MRPS14: variants seen among roughly 807,000 people sequenced by gnomAD.
MRPS14 encodes mitochondrial ribosomal protein S14, also known as small ribosomal subunit protein uS14m.
A neutral mutation model predicts 16.4 loss-of-function variants in MRPS14; 14 were observed. The ratio of observed to expected loss-of-function variants is 0.85; its 90% confidence interval spans 0.56 to 1.33. The LOEUF is 1.33. MRPS14 is among the 40% of genes most tolerant of loss of function. MRPS14 has a pLI of 0.00. For synonymous variants in MRPS14, 54 were observed against 61.9 expected, an observed-to-expected ratio of 0.87 and a Z score of 0.60; for missense variants, 162 against 176.8, an observed-to-expected ratio of 0.92 and a Z score of 0.48.
At position 175,023,398 on chromosome 1, in the gene MRPS14, A is replaced by G; in HGVS notation, c.11T>C (p.Phe4Ser). The change falls in exon 1 of 3, where the codon TTC becomes TCC. Residue 4 changes from phenylalanine (F) to serine (S), a missense_variant. Phe to Ser is a radical substitution (Grantham distance 155). Transcript: ENST00000476371. Reference sequence around the variant, plus strand: ...CGTCCGCAGCAGCGAGCCCAGCATGAAGGCCGCCATGTTGTCCGCTACAAA... The same window carrying G: ...CGTCCGCAGCAGCGAGCCCAGCATGGAGGCCGCCATGTTGTCCGCTACAAA... MAA[F>S]MLGSLLRTFK... The G allele has an allele frequency of 6.2e-7, 1 of 1,614,182 alleles. No homozygotes were observed. The highest frequency in any genetic ancestry group is 8.5e-7 in the Non-Finnish European group (1 of 1,180,020).
intron 1 of MRPS14, among the ~76,000 whole-genome samples, chr1:175,022,177 T>A (rs1164870927): frequency 6.6e-6 from 1 of 152,000 alleles, no homozygotes; most frequent in African/African-American, 2.4e-5. Context: ...GAAAATCTAG[T>A]ATGAAAAAAA....
rs201569223 is a variant in MRPS14, at chr1:175,014,664, C to T, written c.*5G>A. The T allele has an allele frequency of 1.2e-6, 2 of 1,602,194 alleles. No individual in the cohort carries two copies. Among genetic ancestry groups the T allele is most frequent in the African/African-American group, 1.3e-5 (1 of 74,254 alleles). On this transcript the variant is annotated 3_prime_UTR_variant, in exon 3 of 3. Transcript: ENST00000476371. ...CCTGCAAGCTCAATAGGTTCTGGAG[C>T]TCATTTACCATGTCGCTCGCTGGAT... is the stretch of plus-strand genomic sequence containing the variant.
Position 175,014,690 on chromosome 1 carries a change from C to G in MRPS14, c.366G>C (p.Gly122=), listed in dbSNP as rs151217149. The change falls in exon 3 of 3, where the codon GGG becomes GGC. Residue 122 remains glycine, a synonymous_variant. Transcript: ENST00000476371. The part of the protein sequence containing the change: ...RHLADHGQLS[G]IQRATW The stretch of plus-strand genomic sequence containing the variant: ...TCATTTACCATGTCGCTCGCTGGAT[C>G]CCAGAAAGTTGCCCATGGTCAGCTA... 6.2e-7 allele frequency: 1 copy of G among 1,611,728 alleles called. No homozygotes were observed. The highest frequency in any genetic ancestry group is 1.3e-5 in the African/African-American group (1 of 74,726).
At chr1:175,019,369 C>T (rs1672937603) in intron 1 of MRPS14, among the ~76,000 whole-genome samples, 1 of 152,138 alleles carries the variant, frequency 6.6e-6, no homozygotes, top group Non-Finnish European at 1.5e-5. Flanking sequence ...GCAACCTATA[C>T]CTCCCGGGTT....
At chr1:175,016,254 T>C (rs1353130786) in intron 2 of MRPS14, among the ~76,000 whole-genome samples, 1 of 151,240 alleles carries the variant, frequency 6.6e-6, no homozygotes, top group Non-Finnish European at 1.5e-5. Flanking sequence ...CAATAAATGC[T>C]ATACAAGGAA....
intron 2 of MRPS14, 39 bp downstream of exon 2, chr1:175,018,379 G>C (rs769277112): frequency 1.3e-6 from 2 of 1,531,000 alleles, no homozygotes; most frequent in Admixed American, 4.4e-5. Context: ...TTGAGTTAAT[G>C]ATCTTGTGGT....
intron 2 of MRPS14, among the ~76,000 whole-genome samples, chr1:175,017,818 C>T (rs927012315): frequency 1.3e-5 from 2 of 152,146 alleles, no homozygotes; most frequent in African/African-American, 4.8e-5. Context: ...CCTCCCAATG[C>T]CTTGCCAGTT....
chr1:175,018,597 A>T, intron 1 of MRPS14, 21 bp from the exon 2 acceptor site: 1 of 1,571,598 alleles, frequency 6.4e-7, no homozygotes, highest in Non-Finnish European at 8.6e-7. Context: ...GAGACAAGGG[A>T]CAAGTGAAGG....
chr1:175,015,375 AGTAT>A (rs1672863156), intron 2 of MRPS14, among the ~76,000 whole-genome samples: 1 of 152,202 alleles, frequency 6.6e-6, no homozygotes, highest in Non-Finnish European at 1.5e-5. Context: ...TCATTTGTAA[AGTAT>A]GTGAATGTAT....
chr1:175,017,719 G>A (rs748210212), intron 2 of MRPS14, among the ~76,000 whole-genome samples: 3 of 152,146 alleles, frequency 2.0e-5, no homozygotes, highest in Non-Finnish European at 4.4e-5. Flanking sequence ...GGGTGGGCAA[G>A]GGAGTTCAGG....
rs1185311339 is a variant in MRPS14, at chr1:175,013,306, T to C, written c.*1363A>G. On this transcript the variant is annotated 3_prime_UTR_variant, in exon 3 of 3. Transcript: ENST00000476371. ...TGACTGGAACCTGAACTCGCTTATC[T>C]TCTGTTTCCCCTAAATTTGTTCTTT... 1.3e-5 allele frequency: 2 copies of C among 152,262 alleles called. No homozygotes were observed. The highest frequency in any genetic ancestry group is 2.9e-5 in the Non-Finnish European group (2 of 68,064). The allele number at this position is 152,262 out of a possible 1,614,324, so 9.4% of individuals were successfully genotyped here.
At chr1:175,014,897 C>A (rs781414154) in intron 2 of MRPS14, 46 bp from the exon 3 acceptor site, 30 of 1,420,914 alleles carry the variant, frequency 2.1e-5, no homozygotes, top group East Asian at 4.7e-5. Flanking sequence ...CATTGTTGCA[C>A]ATGTATTTTG....
In MRPS14 at chr1:175,014,819, G is replaced by A. The variant is rs753581220; in HGVS notation, c.237C>T (p.Pro79=). 2 of 1,614,004 alleles carry A rather than the reference G, an allele frequency of 1.2e-6. No homozygotes were observed. Among genetic ancestry groups the A allele is most frequent in the Non-Finnish European group, 1.7e-6 (2 of 1,179,970 alleles). ...DVADEEIAAL[P]RDSCPVRIRN... ...TGATTCTAACAGGACAGCTATCCCG[G>A]GGGAGGGCAGCAATTTCTTCATCAG... The change falls in exon 3 of 3, where the codon CCC becomes CCT. Residue 79 remains proline, a synonymous_variant. Transcript: ENST00000476371.
intron 1 of MRPS14, among the ~76,000 whole-genome samples, chr1:175,019,107 G>C (rs1182558575): frequency 2.6e-5 from 4 of 151,982 alleles, no homozygotes; most frequent in Admixed American, 2.6e-4. Flanking sequence ...AATGTAAAAA[G>C]CTTCCCCATT....
intron 2 of MRPS14, among the ~76,000 whole-genome samples, chr1:175,016,240 T>G (rs573919746): frequency 1.5e-4 from 22 of 150,000 alleles, no homozygotes; most frequent in Non-Finnish European, 3.3e-4. Flanking sequence ...CATTGAGTAG[T>G]AAACAATAAA....
chr1:175,017,721 G>C (rs1019857568), intron 2 of MRPS14, among the ~76,000 whole-genome samples: 1 of 152,154 alleles, frequency 6.6e-6, no homozygotes, highest in Non-Finnish European at 1.5e-5. Context: ...GTGGGCAAGG[G>C]AGTTCAGGAA....
intron 1 of MRPS14, among the ~76,000 whole-genome samples, chr1:175,020,427 A>G (rs534187482): frequency 2.0e-5 from 3 of 152,368 alleles, no homozygotes; most frequent in South Asian, 2.1e-4. Context: ...AAATTCTCCT[A>G]GAAGACTTCT....
chr1:175,022,392 T>C (rs180958948), intron 1 of MRPS14: 1 of 151,938 alleles, frequency 6.6e-6, no homozygotes, highest in East Asian at 1.9e-4. Context: ...AGATTAACTG[T>C]CCAGGTTCCT....
chr1:175,022,193 G>A (rs1037523310), intron 1 of MRPS14, among the ~76,000 whole-genome samples: 1 of 151,834 alleles, frequency 6.6e-6, no homozygotes, highest in African/African-American at 2.4e-5. Context: ...AAAAAAGAAT[G>A]TAACTATTTC....
Sources: gnomAD v4.1 joint callset for allele counts (sites outside exome capture counted in the v4.1 genomes callset) on GRCh38, gnomAD v4.1.1 for gene constraint, MANE v1.5 for transcripts, NCBI Gene and HGNC (gene_info 2026-07-23, HGNC 2026-07-21) for gene names.